The following AP4E1 variants were observed in gnomAD, a reference collection of about 807,000 sequenced individuals.
The protein encoded by AP4E1 is AP-4 complex subunit epsilon-1.
Under a neutral mutation model 128.2 loss-of-function variants are expected in AP4E1, and 56 were observed. The ratio of observed to expected loss-of-function variants is 0.44; its 90% CI spans 0.35 to 0.55. The LOEUF (loss-of-function observed/expected upper bound fraction) is 0.55, where lower values mean the gene tolerates loss of function less well. Among genes scored for constraint, AP4E1 ranks in the 20% least tolerant of loss-of-function variants. The pLI is 0.00. For synonymous variants in AP4E1, 484 were observed against 473.1 expected (o/e 1.02, Z -0.30); for missense variants, 1,324 against 1,307.7 (o/e 1.01, Z -0.19).
At chr15:50,981,001 A>T (rs997975348) in intron 15 of AP4E1, among the ~76,000 whole-genome samples, 1 of 152,162 alleles carries the variant, frequency 6.6e-6, no homozygotes. Flanking sequence ...GAAAGCCCCT[A>T]CTAGGGCAAT....
chr15:50,934,420 C>T, intron 7 of AP4E1: 1 of 473,768 alleles, frequency 2.1e-6, no homozygotes, highest in Non-Finnish European at 3.8e-6. Context: ...CATTGGTTAA[C>T]TAGTCAACTT....
chr15:50,910,337 AAGG>A (rs1198986832), intron 1 of AP4E1, among the ~76,000 whole-genome samples: 1 of 152,214 alleles, frequency 6.6e-6, no homozygotes, highest in African/African-American at 2.4e-5. Context: ...TCACAGCTAC[AAGG>A]AGTTTATATC....
intron 16 of AP4E1, among the ~76,000 whole-genome samples, chr15:50,992,403 T>A (rs2064818458): frequency 6.6e-6 from 1 of 152,158 alleles, no homozygotes; most frequent in Non-Finnish European, 1.5e-5. Flanking sequence ...GTGTGCTATG[T>A]GATGTTTTGA....
intron 18 of AP4E1, 130 bp from the exon 19 acceptor site, chr15:50,998,942 A>G (rs2064919376): frequency 1.2e-6 from 1 of 804,452 alleles, no homozygotes; most frequent in African/African-American, 1.7e-5. Context: ...CATCTTCATA[A>G]TGTAGTTTGT....
intron 14 of AP4E1, among the ~76,000 whole-genome samples, chr15:50,961,427 C>T (rs1231973795): frequency 6.6e-6 from 1 of 151,668 alleles, no homozygotes; most frequent in Non-Finnish European, 1.5e-5. Context: ...GTGGAATTTT[C>T]CCAGAAATGC....
chr15:50,941,555 A>T lies in AP4E1; in HGVS notation c.1057A>T (p.Lys353Ter). ...KFVLSPKINL[K>*]YLGLKALTYV... ...TGTTCTGTCACCTAAAATAAATCTA[A>T]AATATTTAGGTAAGATGATTGGTTC... Residue 353 changes from lysine (K) to a stop codon, truncating the protein, a stop_gained, in exon 9 of 21, where the codon AAA becomes TAA. Transcript: ENST00000261842. LOFTEE classifies it high-confidence loss of function. 6.2e-7 allele frequency: 1 copy of T among 1,612,894 alleles called. No individual in the cohort carries two copies. Among genetic ancestry groups the T allele is most frequent in the African/African-American group, 1.3e-5 (1 of 75,028 alleles).
chr15:50,966,729 G>A (rs777759114), intron 14 of AP4E1, among the ~76,000 whole-genome samples: 15 of 151,920 alleles, frequency 9.9e-5, no homozygotes, highest in Non-Finnish European at 7.4e-5. Context: ...TAGAGACGAG[G>A]TTTCACCATG....
intron 13 of AP4E1, among the ~76,000 whole-genome samples, chr15:50,954,912 C>T (rs1249248953): frequency 6.6e-6 from 1 of 152,130 alleles, no homozygotes; most frequent in Non-Finnish European, 1.5e-5. Context: ...TCTCATTGTT[C>T]AATTCCCACC....
chr15:50,985,921 T>C (rs887776181), intron 16 of AP4E1, among the ~76,000 whole-genome samples: 1 of 152,196 alleles, frequency 6.6e-6, no homozygotes, highest in African/African-American at 2.4e-5. Flanking sequence ...ATTTTCACAA[T>C]ATTGATTCTT....
chr15:50,993,382 G>A lies in AP4E1; in HGVS notation c.2103G>A (p.Leu701=), dbSNP rs1462882290. 9.3e-6 allele frequency: 15 copies of A among 1,613,800 alleles called. No individual in the cohort carries two copies. Among genetic ancestry groups the A allele is most frequent in the African/African-American group, 2.7e-5 (2 of 74,924 alleles). The change falls in exon 17 of 21, where the codon TTG becomes TTA. Residue 701 remains leucine, a synonymous_variant. Transcript: ENST00000261842. ...AETGLKETNS[L]KLEGIKKLWG... ...TCAACCTCCTTAGGACAAATAGCTT[G>A]AAGCTGGAAGGTATAAAGAAATTGT...
Position 50,966,257 on chromosome 15 carries a change from G to C in AP4E1, c.1852-2006G>C, listed in dbSNP as rs571779663. 3.7e-4 allele frequency among the ~76,000 whole-genome samples: 56 copies of C among 152,286 alleles called. 1 individual carries two copies. In the South Asian group the frequency reaches 0.012, roughly 32 times the overall value. ...AAGGTAATTAGAATTATTCATATTAGCTGAGAAAGAGAAAATAAAGGTTAT... is the reference window on the plus strand; with the variant it reads ...AAGGTAATTAGAATTATTCATATTACCTGAGAAAGAGAAAATAAAGGTTAT... On this transcript the variant is annotated intron_variant, in intron 14 of 20. Coordinates refer to ENST00000261842, the MANE Select transcript of AP4E1 (RefSeq NM_007347.5).
rs568372771 is a variant in AP4E1, at chr15:50,928,407, C to A, written c.543-602C>A. 2.0e-5 allele frequency among the ~76,000 whole-genome samples: 3 copies of A among 152,186 alleles called. No homozygotes were observed. The East Asian group carries it at 5.8e-4, about 29-fold the overall frequency. On this transcript the variant is annotated intron_variant, in intron 5 of 20. Transcript: ENST00000261842. ...GGTTCAAGCGATTCTTGTGCCTCAG[C>A]CACCCAAGTAACTGGAACTACAGGT...
chr15:50,941,349 C>A, intron 8 of AP4E1, 93 bp from the exon 9 acceptor site: 1 of 1,414,782 alleles, frequency 7.1e-7, no homozygotes. Context: ...CTAAAATGGA[C>A]TTTCCAATTA....
intron 14 of AP4E1, among the ~76,000 whole-genome samples, chr15:50,961,516 T>C (rs538519080): frequency 2.1e-4 from 32 of 152,146 alleles, no homozygotes; most frequent in African/African-American, 7.0e-4. Flanking sequence ...CATATGATCA[T>C]CTCAATAGAT....
Position 50,993,763 on chromosome 15 carries a change from C to G in AP4E1, c.2346+138C>G, listed in dbSNP as rs571150336. 5.8e-6 allele frequency: 6 copies of G among 1,042,226 alleles called. No homozygotes were observed. The African/African-American group carries it at 9.6e-5, about 17-fold the overall frequency. The allele number at this position is 1,042,226 out of a possible 1,614,324, so 64.6% of individuals were successfully genotyped here. On this transcript the variant is annotated intron_variant, in intron 17 of 20. Transcript: ENST00000261842. The stretch of plus-strand genomic sequence containing the variant: ...CCCAGTTCTTACTCACCATCATTTC[C>G]CAGCTCCAGAACCACTAATGACACA...
chr15:50,987,607 G>A (rs1392944089), intron 16 of AP4E1, among the ~76,000 whole-genome samples: 1 of 152,196 alleles, frequency 6.6e-6, no homozygotes, highest in African/African-American at 2.4e-5. Context: ...ATGTAGTTGA[G>A]CGGTTTTGAG....
Position 51,002,606 on chromosome 15 carries a change from T to C in AP4E1, c.3358T>C (p.Ser1120Pro). 1.2e-6 allele frequency: 2 copies of C among 1,614,206 alleles called. No individual in the cohort carries two copies. The highest frequency in any genetic ancestry group is 1.7e-6 in the Non-Finnish European group (2 of 1,180,016). Residue 1120 changes from serine to proline, a missense_variant, in exon 21 of 21, where the codon TCT (serine) becomes CCT (proline). Coordinates refer to ENST00000261842, the MANE Select transcript of AP4E1 (RefSeq NM_007347.5). ...VLALWFRSSC[S>P]TLPDYLLYQC... ...AGCCCTGTGGTTCAGATCCTCCTGT[T>C]CTACTCTTCCTGACTATTTACTGTA...
intron 20 of AP4E1, among the ~76,000 whole-genome samples, chr15:51,001,721 A>C (rs961212978): frequency 6.6e-6 from 1 of 152,176 alleles, no homozygotes; most frequent in Non-Finnish European, 1.5e-5. Flanking sequence ...TTATCCATTC[A>C]TCTGTAAATG....
At chr15:50,986,782 G>T (rs2064730556) in intron 16 of AP4E1, among the ~76,000 whole-genome samples, 1 of 152,168 alleles carries the variant, frequency 6.6e-6, no homozygotes, top group East Asian at 1.9e-4. Context: ...TTTTGGTTGT[G>T]TCTCTGCTAG....
Sources: allele counts gnomAD v4.1 joint callset (sites outside exome capture counted in the v4.1 genomes callset), GRCh38; gene constraint gnomAD v4.1.1; transcripts MANE v1.5; gene names NCBI Gene and HGNC (gene_info 2026-07-23, HGNC 2026-07-21).